RASA3: variants seen among roughly 807,000 people sequenced by gnomAD.
RASA3 encodes the protein ras GTPase-activating protein 3.
Under a neutral mutation model 110.0 loss-of-function variants are expected in RASA3, and 73 were observed. The ratio of observed to expected loss-of-function variants is 0.66; its 90% CI spans 0.55 to 0.81. RASA3 has a LOEUF of 0.81. Among genes scored for constraint, RASA3 ranks in the 30% least tolerant of loss-of-function variants. RASA3 has a pLI of 0.00. For missense variants in RASA3, 976 were observed against 1,113.2 expected (o/e 0.88, Z 1.75); for synonymous variants, 500 against 451.4 (o/e 1.11, Z -1.37).
intron 1 of RASA3, among the ~76,000 whole-genome samples, chr13:114,107,279 G>A (rs2080147105): frequency 7.6e-6 from 1 of 132,354 alleles, no homozygotes; most frequent in African/African-American, 2.5e-5. Context: ...TGGCCTGTGT[G>A]TCCCTCCTTC....
At chr13:114,090,690 A>ACGGGCACGGGCGTCTCTGCAG (rs2079879781) in intron 1 of RASA3, among the ~76,000 whole-genome samples, 1 of 152,200 alleles carries the variant, frequency 6.6e-6, no homozygotes, top group African/African-American at 2.4e-5. Flanking sequence ...CACATGCCTG[A>ACGGGCACGGGCGTCTCTGCAG]CGGGCACGGG....
intron 3 of RASA3, among the ~76,000 whole-genome samples, chr13:114,046,311 G>A (rs189575663): frequency 1.3e-5 from 2 of 152,254 alleles, no homozygotes; most frequent in East Asian, 3.9e-4. Flanking sequence ...AGAATGAGGT[G>A]GTGGTGGAAG....
At position 114,048,201 on chromosome 13, in the gene RASA3, G is replaced by A. The variant is rs1313672809; in HGVS notation, c.277+3851C>T. On this transcript the variant is annotated intron_variant, in intron 3 of 23. Transcript: ENST00000334062. This position sits in a 1 kb window ranked among gnomAD's most constrained non-coding sequence, Gnocchi z 4.3. The stretch of plus-strand genomic sequence containing the variant: ...GTGGTGGCGGGCGCCTGTAGTCCCA[G>A]CTACTCGGGAAGCTGAGGCAGGAGA... Among the ~76,000 whole-genome samples, 1 of 152,010 alleles carries A rather than the reference G, an allele frequency of 6.6e-6. No homozygotes were observed. Among genetic ancestry groups the A allele is most frequent in the Non-Finnish European group, 1.5e-5 (1 of 68,010 alleles).
chr13:114,072,487 T>C, intron 2 of RASA3, among the ~76,000 whole-genome samples: 1 of 152,238 alleles, frequency 6.6e-6, no homozygotes, highest in East Asian at 1.9e-4. Context: ...TATAGCTATT[T>C]TAGAAAATTT....
At chr13:114,020,899 C>T (rs2053912844) in intron 9 of RASA3, among the ~76,000 whole-genome samples, 2 of 152,236 alleles carry the variant, frequency 1.3e-5, no homozygotes. Flanking sequence ...TGTGCGCATT[C>T]TGGGCTCCTG....
chr13:114,123,905 G>A (rs1159453658), intron 1 of RASA3, among the ~76,000 whole-genome samples: 1 of 152,244 alleles, frequency 6.6e-6, no homozygotes, highest in African/African-American at 2.4e-5. Context: ...CAAGACAGAT[G>A]ATTCTTTACA....
chr13:114,047,848 G>C (rs1363325660), intron 3 of RASA3, among the ~76,000 whole-genome samples: 1 of 152,246 alleles, frequency 6.6e-6, no homozygotes, highest in African/African-American at 2.4e-5. Flanking sequence ...GCTGCCCGGG[G>C]CTGTGGGCCA....
At chr13:114,027,505 G>A in intron 6 of RASA3, 44 bp from the exon 7 acceptor site, 1 of 1,451,264 alleles carries the variant, frequency 6.9e-7, no homozygotes, top group South Asian at 1.2e-5. Context: ...CAACACTGCT[G>A]ATTCCAAGTC....
chr13:114,081,560 A>G (rs1300193913), intron 1 of RASA3, among the ~76,000 whole-genome samples: 1 of 152,202 alleles, frequency 6.6e-6, no homozygotes, highest in Non-Finnish European at 1.5e-5. Flanking sequence ...TATCCTGAGA[A>G]ACACGACTCC....
chr13:114,007,826 G>A (rs2053550574), intron 17 of RASA3, among the ~76,000 whole-genome samples: 1 of 152,226 alleles, frequency 6.6e-6, no homozygotes, highest in Non-Finnish European at 1.5e-5. Flanking sequence ...GAGAGGCCGG[G>A]CTCAGGCAAC....
rs187796148 is a variant in RASA3, at chr13:114,065,107, T to A, written c.173+8613A>T. Among the ~76,000 whole-genome samples the A allele has an allele frequency of 6.6e-5, 10 of 152,376 alleles. No homozygotes were observed. Among genetic ancestry groups the A allele is most frequent in the Admixed American group, 5.2e-4 (8 of 15,310 alleles). ...AGAGTTGACCTTTAAGTAGTGGCTC[T>A]GATGAGGGGAAACCATCTGAACTGA... On this transcript the variant is annotated intron_variant, in intron 2 of 23. Coordinates refer to ENST00000334062, the MANE Select transcript of RASA3 (RefSeq NM_007368.4). The surrounding 1 kb of genome is among the most constrained non-coding windows in gnomAD (Gnocchi z 4.1).
Position 113,981,891 on chromosome 13 carries a change from G to C in RASA3, c.2246-33C>G. 2.5e-6 allele frequency: 4 copies of C among 1,595,506 alleles called. No individual in the cohort carries two copies. The South Asian group carries it at 4.5e-5, about 18-fold the overall frequency. The stretch of plus-strand genomic sequence containing the variant: ...GGGCGGAGGGGTCAGCGCAGGGCAG[G>C]AGCCCAGGCCACCGGCCCCGTCTCC... On this transcript the variant is annotated intron_variant, in intron 22 of 23. Coordinates refer to ENST00000334062, the MANE Select transcript of RASA3 (RefSeq NM_007368.4).
At chr13:114,040,686 C>T (rs942639142) in intron 4 of RASA3, among the ~76,000 whole-genome samples, 4 of 148,008 alleles carry the variant, frequency 2.7e-5, no homozygotes, top group Non-Finnish European at 4.5e-5. Flanking sequence ...CAGGCAAACA[C>T]GCACAACCCA....
rs938634514 is a variant in RASA3 at position 114,112,274 on chromosome 13, G to A, written c.55+20161C>T. The stretch of plus-strand genomic sequence containing the variant: ...GGCCAGGCCAGCTCCAGGCAGCCCC[G>A]CATCTGCTCAGCAATCCCCGGAGTC... On this transcript the variant is annotated intron_variant, in intron 1 of 23. Transcript: ENST00000334062. This position sits in a 1 kb window ranked among gnomAD's most constrained non-coding sequence, Gnocchi z 4.8. 1.8e-4 allele frequency among the ~76,000 whole-genome samples: 28 copies of A among 152,344 alleles called. No individual in the cohort carries two copies. The highest frequency in any genetic ancestry group is 5.8e-4 in the African/African-American group (24 of 41,576).
intron 2 of RASA3, among the ~76,000 whole-genome samples, chr13:114,064,371 G>A (rs1457004376): frequency 1.3e-5 from 2 of 152,188 alleles, no homozygotes; most frequent in Non-Finnish European, 2.9e-5. Context: ...GGAGTCTGAG[G>A]ACAGCAGCTT....
At chr13:114,005,725 G>A (rs1231762106) in intron 18 of RASA3, among the ~76,000 whole-genome samples, 2 of 151,092 alleles carry the variant, frequency 1.3e-5, no homozygotes, top group Admixed American at 6.6e-5. Context: ...GGGACTGGGG[G>A]CCCCCATCCC....
chr13:114,113,096 G>T (rs1566582635), intron 1 of RASA3, among the ~76,000 whole-genome samples: 1 of 152,200 alleles, frequency 6.6e-6, no homozygotes, highest in Non-Finnish European at 1.5e-5. Context: ...TGATCCTAAG[G>T]GGATGCTCGG....
chr13:114,040,919 G>C lies in RASA3; in HGVS notation c.372+81C>G. 3 of 1,326,632 alleles carry C rather than the reference G, an allele frequency of 2.3e-6. No homozygotes were observed. In the South Asian group the frequency reaches 3.6e-5, roughly 16 times the overall value. The allele number at this position is 1,326,632 out of a possible 1,614,324, so 82.2% of individuals were successfully genotyped here. ...GGCCGAAGCCCGATCTACGTCTTTA[G>C]CCACAGTCGGAGCCGGGCCCGTCTC... On this transcript the variant is annotated intron_variant, in intron 4 of 23. Transcript: ENST00000334062.
rs1229624238 is a variant in RASA3 at position 113,979,321 on chromosome 13, G to A, written c.*26C>T. 1 of 1,547,938 alleles carries A rather than the reference G, an allele frequency of 6.5e-7. No homozygotes were observed. Among genetic ancestry groups the A allele is most frequent in the Non-Finnish European group, 8.9e-7 (1 of 1,120,202 alleles). ...GCGGCTTTGCATGGGCAGCTTGCTG[G>A]CGCCACTGGGCGCGTCCCGCAGACT... On this transcript the variant is annotated 3_prime_UTR_variant, in exon 24 of 24. Transcript: ENST00000334062.
Sources: gnomAD v4.1 joint callset for allele counts (sites outside exome capture counted in the v4.1 genomes callset) on GRCh38, gnomAD v4.1.1 for gene constraint, Gnocchi (gnomAD v3.1) non-coding constraint, MANE v1.5 for transcripts, NCBI Gene and HGNC (gene_info 2026-07-23, HGNC 2026-07-21) for gene names.